Variants in RASAL2 observed in about 807,000 individuals in gnomAD.
The protein encoded by RASAL2 is ras GTPase-activating protein nGAP.
RASAL2 carries 58 observed loss-of-function variants against 128.9 expected under a neutral mutation model. The ratio of observed to expected loss-of-function variants is 0.45; its 90% confidence interval spans 0.36 to 0.56. RASAL2 has a LOEUF of 0.56. Among genes scored for constraint, RASAL2 ranks in the 20% least tolerant of loss-of-function variants. The pLI, the probability that RASAL2 is intolerant of heterozygous loss-of-function variation, is 0.00. For synonymous variants in RASAL2, 561 were observed against 580.8 expected (o/e 0.97, Z 0.49); for missense variants, 1,360 against 1,601.6 (o/e 0.85, Z 2.57).
intron 1 of RASAL2, among the ~76,000 whole-genome samples, chr1:178,197,433 G>A (rs1350238908): frequency 2.0e-5 from 3 of 151,294 alleles, no homozygotes; most frequent in African/African-American, 7.3e-5. Flanking sequence ...CAGCATGAGC[G>A]ACAGAGCGAG....
chr1:178,433,921 A>G (rs539733895), intron 5 of RASAL2, among the ~76,000 whole-genome samples: 2 of 152,152 alleles, frequency 1.3e-5, no homozygotes, highest in East Asian at 3.9e-4. Flanking sequence ...ATGTCTCAAA[A>G]AAAAAAAAGT....
In RASAL2 at chr1:178,259,647, C is replaced by T. The variant is rs1665562676; in HGVS notation, c.203-23917C>T. Among the ~76,000 whole-genome samples, 3 of 152,184 alleles carry T rather than the reference C, an allele frequency of 2.0e-5. No homozygotes were observed. In the South Asian group the frequency reaches 6.2e-4, roughly 32 times the overall value. Reference sequence around the variant, plus strand: ...GGACAGTGCAGTGGTGTGAACACAGCTCACTGTAGCCTTGGCCTCCAGGCC... The same window carrying T: ...GGACAGTGCAGTGGTGTGAACACAGTTCACTGTAGCCTTGGCCTCCAGGCC... On this transcript the variant is annotated intron_variant, in intron 1 of 17. Transcript: ENST00000367649.
At chr1:178,160,440 G>A (rs1571563060) in intron 1 of RASAL2, among the ~76,000 whole-genome samples, 1 of 152,168 alleles carries the variant, frequency 6.6e-6, no homozygotes, top group South Asian at 2.1e-4. Context: ...TTTGAGACCA[G>A]CCTGGCCAAC....
At chr1:178,239,813 A>G (rs1664412591) in intron 1 of RASAL2, among the ~76,000 whole-genome samples, 1 of 151,924 alleles carries the variant, frequency 6.6e-6, no homozygotes, top group African/African-American at 2.4e-5. Flanking sequence ...AGTTTTATTT[A>G]CCTCTATCCT....
Position 178,466,937 on chromosome 1 carries a change from C to G in RASAL2, c.3591-397C>G, listed in dbSNP as rs1220326823. 9.2e-5 allele frequency among the ~76,000 whole-genome samples: 14 copies of G among 152,114 alleles called. No individual in the cohort carries two copies. In the East Asian group the frequency reaches 2.7e-3, roughly 29 times the overall value. On this transcript the variant is annotated intron_variant, in intron 16 of 17. Coordinates refer to ENST00000367649, the MANE Select transcript of RASAL2 (RefSeq NM_170692.4). The stretch of plus-strand genomic sequence containing the variant: ...GCGGACAGAAAACAAGCTAAACATA[C>G]TAGGTATAGAGTACTCATTGAGGAA...
rs1248140905 is a variant in RASAL2 at position 178,474,369 on chromosome 1, TA to T, written c.*1132del. 2 of 152,410 alleles carry T rather than the reference TA, an allele frequency of 1.3e-5. No homozygotes were observed. The highest frequency in any genetic ancestry group is 2.9e-5 in the Non-Finnish European group (2 of 68,036). 9.4% of individuals were successfully genotyped at this position (152,410 alleles called of 1,614,324 possible). A position where few individuals can be genotyped will look rare whatever the true frequency, so the allele number is the denominator to read the frequency against. On this transcript the variant is annotated 3_prime_UTR_variant, in exon 18 of 18. Coordinates refer to ENST00000367649, the MANE Select transcript of RASAL2 (RefSeq NM_170692.4). ...TGGGGGGTAATTTTATCTCCATCTT[TA>T]ACTTTTAAAGTACTTCTTCCCCTTA...
intron 3 of RASAL2, among the ~76,000 whole-genome samples, chr1:178,308,947 A>T (rs1043199959): frequency 1.3e-5 from 2 of 152,176 alleles, no homozygotes; most frequent in Non-Finnish European, 2.9e-5. Context: ...TGGTAATAGC[A>T]TTGGTAGACA....
chr1:178,367,946 T>TAA (rs1671491176), intron 3 of RASAL2, among the ~76,000 whole-genome samples: 1 of 151,076 alleles, frequency 6.6e-6, no homozygotes, highest in Non-Finnish European at 1.5e-5. Context: ...ATCATTTAAG[T>TAA]ATGGCCCATG....
At position 178,438,881 on chromosome 1, in the gene RASAL2, C is replaced by CTGTGTGTGTGTGTGTG. The variant is rs3042589; in HGVS notation, c.675-505_675-490dup. The stretch of plus-strand genomic sequence containing the variant: ...TGTGATAAAAAGTTGAGCTTCGACT[C>CTGTGTGTGTGTGTGTG]TGTGTGTGTGTGTGTGTGTGTGTGT... On this transcript the variant is annotated intron_variant, in intron 5 of 17. Transcript: ENST00000367649. 1.8e-3 allele frequency among the ~76,000 whole-genome samples: 227 copies of CTGTGTGTGTGTGTGTG among 129,468 alleles called. 2 individuals carry two copies. The highest frequency in any genetic ancestry group is 6.4e-3 in the East Asian group (24 of 3,748). 84.9% of individuals were successfully genotyped at this position (129,468 alleles called of 152,430 possible).
chr1:178,136,300 G>T (rs1660322067), intron 1 of RASAL2, among the ~76,000 whole-genome samples: 2 of 152,082 alleles, frequency 1.3e-5, no homozygotes, highest in Admixed American at 1.3e-4. Flanking sequence ...ACCCATTTGG[G>T]CTTGAGTCTT....
At position 178,109,379 on chromosome 1, in the gene RASAL2, G is replaced by C. The variant is rs187703264; in HGVS notation, c.202+14685G>C. On this transcript the variant is annotated intron_variant, in intron 1 of 17. Transcript: ENST00000367649. ...AGTCTCCCAGGGAGCTGGGATTATA[G>C]GTGCATGCTTCTCTACTCACCTTCA... Among the ~76,000 whole-genome samples, 30 of 152,254 alleles carry C rather than the reference G, an allele frequency of 2.0e-4. No individual in the cohort carries two copies. The East Asian group carries it at 3.7e-3, about 19-fold the overall frequency.
At chr1:178,310,528 T>C (rs1253743876) in intron 3 of RASAL2, among the ~76,000 whole-genome samples, 1 of 152,174 alleles carries the variant, frequency 6.6e-6, no homozygotes, top group African/African-American at 2.4e-5. Flanking sequence ...ATTTTACTGT[T>C]TGATTTTGTT....
intron 1 of RASAL2, among the ~76,000 whole-genome samples, chr1:178,195,779 C>T (rs1662639051): frequency 6.6e-6 from 1 of 151,950 alleles, no homozygotes; most frequent in African/African-American, 2.4e-5. Context: ...CTATTGAAAG[C>T]ATGACACTTA....
In RASAL2 at chr1:178,456,794, C is replaced by G; in HGVS notation, c.2285C>G (p.Pro762Arg). ...ACCAAGTCATTGACTAATCCTACGC[C>G]AATACAACAGCAACTGAGACGCTTC... ...DITKSLTNPT[P>R]IQQQLRRFTE... The change falls in exon 13 of 18, where the codon CCA becomes CGA. Residue 762 changes from proline to arginine, a missense_variant. Coordinates refer to ENST00000367649, the MANE Select transcript of RASAL2 (RefSeq NM_170692.4). The G allele has an allele frequency of 6.2e-7, 1 of 1,614,162 alleles. No individual in the cohort carries two copies. The highest frequency in any genetic ancestry group is 8.5e-7 in the Non-Finnish European group (1 of 1,180,024).
In RASAL2 at chr1:178,126,366, A is replaced by G. The variant is rs900661920; in HGVS notation, c.202+31672A>G. On this transcript the variant is annotated intron_variant, in intron 1 of 17. Transcript: ENST00000367649. ...ATAAATGCTGTAAGTAGAAATATTC[A>G]TCTATTTATTTGCCTAGGTTGACTA... Among the ~76,000 whole-genome samples the G allele has an allele frequency of 4.7e-4, 71 of 152,308 alleles. 1 individual carries two copies. The highest frequency in any genetic ancestry group is 1.6e-3 in the African/African-American group (65 of 41,560).
chr1:178,373,049 T>C (rs1671799409), intron 3 of RASAL2, among the ~76,000 whole-genome samples: 1 of 152,010 alleles, frequency 6.6e-6, no homozygotes, highest in African/African-American at 2.4e-5. Context: ...ATAAATTTGA[T>C]TTATCTTCTA....
intron 1 of RASAL2, among the ~76,000 whole-genome samples, chr1:178,164,929 G>C (rs965334967): frequency 4.0e-5 from 6 of 148,208 alleles, no homozygotes; most frequent in Non-Finnish European, 8.9e-5. Context: ...GTATGTATTG[G>C]AAAAAAACAA....
intron 3 of RASAL2, among the ~76,000 whole-genome samples, chr1:178,383,798 T>G (rs1046303093): frequency 2.6e-5 from 4 of 152,222 alleles, no homozygotes; most frequent in African/African-American, 7.2e-5. Context: ...ATTTCATTCA[T>G]TAATAACTAG....
chr1:178,247,157 G>A (rs568034998), intron 1 of RASAL2, among the ~76,000 whole-genome samples: 1 of 152,258 alleles, frequency 6.6e-6, no homozygotes, highest in Admixed American at 6.5e-5. Context: ...GCTCCTCTTT[G>A]TACCTCTGGT....
Sources: gnomAD v4.1 joint callset for allele counts (sites outside exome capture counted in the v4.1 genomes callset) on GRCh38, gnomAD v4.1.1 for gene constraint, MANE v1.5 for transcripts, NCBI Gene and HGNC (gene_info 2026-07-23, HGNC 2026-07-21) for gene names.